The following ARID1B variants were observed in gnomAD, a reference collection of about 807,000 sequenced individuals.
The protein encoded by ARID1B is AT-rich interactive domain-containing protein 1B.
A neutral mutation model predicts 212.3 loss-of-function variants in ARID1B; 30 were observed. The observed-to-expected ratio is 0.14, with a 90% confidence interval of 0.11 to 0.19. The LOEUF (loss-of-function observed/expected upper bound fraction) is 0.19. Ranked by LOEUF, ARID1B falls within the 10% of genes least tolerant of loss-of-function variation. ARID1B has a pLI of 1.00. For synonymous variants in ARID1B, 1,402 were observed against 1,301.7 expected, an observed-to-expected ratio of 1.08 and a Z score of -1.66; for missense variants, 2,891 against 3,204.0, an observed-to-expected ratio of 0.90 and a Z score of 2.36.
At chr6:157,114,352 G>A (rs889283916) in intron 6 of ARID1B, among the ~76,000 whole-genome samples, 7 of 151,546 alleles carry the variant, frequency 4.6e-5, no homozygotes, top group Admixed American at 2.0e-4. Flanking sequence ...GTGAAACCCC[G>A]TCTCCACTAA....
chr6:157,162,864 C>G (rs1047206807), intron 8 of ARID1B, among the ~76,000 whole-genome samples: 24 of 152,142 alleles, frequency 1.6e-4, no homozygotes, highest in Admixed American at 3.9e-4. Context: ...CCTTACCCCC[C>G]TGAGATGTTC....
intron 4 of ARID1B, among the ~76,000 whole-genome samples, chr6:157,039,826 TTCTC>T (rs1192741092): frequency 1.2e-3 from 157 of 127,890 alleles, no homozygotes; most frequent in African/African-American, 4.7e-3. Context: ...TTTTCTCTCT[TTCTC>T]TCTTTCTTTC....
At chr6:157,047,475 T>C (rs1257404844) in intron 4 of ARID1B, among the ~76,000 whole-genome samples, 1 of 152,248 alleles carries the variant, frequency 6.6e-6, no homozygotes, top group Non-Finnish European at 1.5e-5. Flanking sequence ...GATAGATTCA[T>C]TGACAGCATC....
intron 4 of ARID1B, among the ~76,000 whole-genome samples, chr6:156,970,091 G>GTT: frequency 6.6e-6 from 1 of 151,610 alleles, no homozygotes; most frequent in South Asian, 2.1e-4. Flanking sequence ...GTTTTGTTTT[G>GTT]TTTTTTGAGA....
chr6:157,105,194 GA>G (rs1562621344), intron 5 of ARID1B, among the ~76,000 whole-genome samples: 1 of 151,672 alleles, frequency 6.6e-6, no homozygotes. Flanking sequence ...AAGGGAGATG[GA>G]AAAAAAACAT....
At chr6:157,098,523 T>C (rs1208028689) in intron 5 of ARID1B, among the ~76,000 whole-genome samples, 1 of 152,244 alleles carries the variant, frequency 6.6e-6, no homozygotes, top group African/African-American at 2.4e-5. Flanking sequence ...AGCATGGTAG[T>C]TGATGTACTT....
chr6:157,176,139 G>T (rs1241505196), intron 11 of ARID1B, among the ~76,000 whole-genome samples: 1 of 152,194 alleles, frequency 6.6e-6, no homozygotes, highest in African/African-American at 2.4e-5. Context: ...AGGATAACCA[G>T]CATTTTCCCT....
At chr6:157,006,662 C>T (rs1001731006) in intron 4 of ARID1B, among the ~76,000 whole-genome samples, 2 of 152,154 alleles carry the variant, frequency 1.3e-5, no homozygotes, top group African/African-American at 4.8e-5. Context: ...GGAAGAGATA[C>T]TTTACTTTGC....
chr6:156,813,008 A>ATATACACATACGTATGTATATACATATG (rs1781687011), intron 1 of ARID1B, among the ~76,000 whole-genome samples: 1 of 148,006 alleles, frequency 6.8e-6, no homozygotes, highest in Non-Finnish European at 1.5e-5. Context: ...ATATACATAT[A>ATATACACATACGTATGTATATACATATG]TATACACATA....
At chr6:157,008,486 C>T (rs1198635203) in intron 4 of ARID1B, among the ~76,000 whole-genome samples, 2 of 152,310 alleles carry the variant, frequency 1.3e-5, no homozygotes, top group South Asian at 2.1e-4. Context: ...TTCAAAGGCT[C>T]CGGTTCAGAG....
At chr6:157,021,411 G>A (rs1359836818) in intron 4 of ARID1B, among the ~76,000 whole-genome samples, 9 of 152,212 alleles carry the variant, frequency 5.9e-5, no homozygotes, top group Non-Finnish European at 8.8e-5. Context: ...GCGAGGATGA[G>A]GGCGGCGAGC....
At chr6:156,839,328 G>A (rs1393991100) in intron 2 of ARID1B, among the ~76,000 whole-genome samples, 2 of 152,180 alleles carry the variant, frequency 1.3e-5, no homozygotes, top group African/African-American at 2.4e-5. Context: ...GGGTAGTAGC[G>A]TGCTGGCTCA....
rs149361457 is a variant in ARID1B at position 156,801,333 on chromosome 6, A to G, written c.1791+21862A>G. On this transcript the variant is annotated intron_variant, in intron 1 of 19. Coordinates refer to ENST00000636930, the MANE Select transcript of ARID1B (RefSeq NM_001374828.1). Reference sequence around the variant, plus strand: ...CTCTGCCTCAGCCTTCTGAGTAGCTAGGATTATAGGTGCCCGCCACCAGGT... The same window carrying G: ...CTCTGCCTCAGCCTTCTGAGTAGCTGGGATTATAGGTGCCCGCCACCAGGT... Among the ~76,000 whole-genome samples, 673 of 149,636 alleles carry G rather than the reference A, an allele frequency of 4.5e-3. 6 individuals carry two copies. The highest frequency in any genetic ancestry group is 0.016 in the African/African-American group (651 of 40,616).
intron 5 of ARID1B, among the ~76,000 whole-genome samples, chr6:157,096,959 A>G (rs571247533): frequency 1.3e-5 from 2 of 152,336 alleles, no homozygotes; most frequent in African/African-American, 4.8e-5. Context: ...TCAAATATAC[A>G]TTGTGAAGTG....
chr6:157,021,751 G>T (rs1171313294), intron 4 of ARID1B, among the ~76,000 whole-genome samples: 1 of 151,902 alleles, frequency 6.6e-6, no homozygotes, highest in Non-Finnish European at 1.5e-5. Context: ...GCTCCTCCTG[G>T]AGGCGGGAGG....
At chr6:157,052,550 G>T (rs1782678822) in intron 4 of ARID1B, among the ~76,000 whole-genome samples, 1 of 152,194 alleles carries the variant, frequency 6.6e-6, no homozygotes, top group African/African-American at 2.4e-5. Flanking sequence ...TTGTAGCTGT[G>T]TAACTTAAAC....
At chr6:156,880,772 AAAG>A (rs1254829191) in intron 2 of ARID1B, among the ~76,000 whole-genome samples, 13 of 93,556 alleles carry the variant, frequency 1.4e-4, no homozygotes, top group East Asian at 2.4e-4. Flanking sequence ...AAAGAAAAGA[AAAG>A]AAAAACACAC....
At chr6:156,967,116 C>T (rs1794823067) in intron 4 of ARID1B, among the ~76,000 whole-genome samples, 1 of 152,054 alleles carries the variant, frequency 6.6e-6, no homozygotes, top group African/African-American at 2.4e-5. Flanking sequence ...TTTTAAATTG[C>T]CGTGATTAGA....
intron 8 of ARID1B, among the ~76,000 whole-genome samples, chr6:157,157,235 T>A (rs1371562643): frequency 6.6e-6 from 1 of 152,136 alleles, no homozygotes; most frequent in Non-Finnish European, 1.5e-5. Context: ...GCTTCATGGC[T>A]CTGTTAACAT....
Sources: gnomAD v4.1 joint callset for allele counts (sites outside exome capture counted in the v4.1 genomes callset) on GRCh38, gnomAD v4.1.1 for gene constraint, MANE v1.5 for transcripts, NCBI Gene and HGNC (gene_info 2026-07-23, HGNC 2026-07-21) for gene names.